The following DPYSL4 variants were observed in gnomAD, a reference collection of about 807,000 sequenced individuals.
The protein encoded by DPYSL4 is dihydropyrimidinase like 4, also known as dihydropyrimidinase-related protein 4.
In DPYSL4, 43 loss-of-function variants were observed where a neutral mutation model predicts 63.4. That is an observed-to-expected ratio of 0.68 (90% CI 0.53 to 0.88). The LOEUF (loss-of-function observed/expected upper bound fraction) is 0.88, where lower values mean the gene tolerates loss of function less well. DPYSL4 is among the 40% of genes least tolerant of loss of function. The pLI, the probability that DPYSL4 is intolerant of heterozygous loss-of-function variation, is 0.00. For synonymous variants in DPYSL4, 353 were observed against 331.7 expected (o/e 1.06, Z -0.70); for missense variants, 733 against 819.5 (o/e 0.89, Z 1.29).
chr10:132,189,805 G>A (rs1016197206), intron 1 of DPYSL4, among the ~76,000 whole-genome samples: 2 of 152,216 alleles, frequency 1.3e-5, no homozygotes, highest in Non-Finnish European at 2.9e-5. Flanking sequence ...AGCCAAAGGT[G>A]ATCTCTTTAA....
rs1250324976 is a variant in DPYSL4, at chr10:132,204,871, A to G, written c.1660A>G (p.Thr554Ala). 1.2e-6 allele frequency: 2 copies of G among 1,612,612 alleles called. No homozygotes were observed. The highest frequency in any genetic ancestry group is 1.7e-5 in the Admixed American group (1 of 59,930). The change falls in exon 14 of 14, where the codon ACA (threonine) becomes GCA (alanine). Residue 554 changes from threonine to alanine, a missense_variant. Thr to Ala is a moderately conservative substitution (Grantham distance 58). Transcript: ENST00000338492. ...GGCTGATGACCACATCGCCCGACGC[A>G]CAGCACAGAAGATCATGGCACCACC... Reference protein sequence around the residue: ...SQADDHIARRTAQKIMAPPGG... With the variant: ...SQADDHIARRAAQKIMAPPGG...
chr10:132,202,121 G>A lies in DPYSL4; in HGVS notation c.1281+5G>A, dbSNP rs745367235. The A allele has an allele frequency of 1.9e-6, 3 of 1,609,722 alleles. No individual in the cohort carries two copies. In the Admixed American group the frequency reaches 5.0e-5, roughly 27 times the overall value. ...TCTGCCAAGACCCACAATCTGGTAA[G>A]AGAAGGCGGCTGTAAGTCAGGGTTG... On this transcript the variant is annotated splice_donor_5th_base_variant and intron_variant, in intron 11 of 13. Transcript: ENST00000338492.
At chr10:132,196,984 G>A (rs375962695) in intron 5 of DPYSL4, 37 bp from the exon 6 acceptor site, 148 of 1,612,868 alleles carry the variant, frequency 9.2e-5, no homozygotes, top group South Asian at 6.9e-4. Flanking sequence ...TGGTGCAGGC[G>A]CAGCCCCACC....
At chr10:132,198,385 T>C (rs747129475) in intron 6 of DPYSL4, 30 bp from the exon 7 acceptor site, 2 of 1,591,784 alleles carry the variant, frequency 1.3e-6, no homozygotes, top group East Asian at 2.3e-5. Flanking sequence ...CTTCAGGGCT[T>C]GGAGCGAGGC....
intron 1 of DPYSL4, among the ~76,000 whole-genome samples, chr10:132,188,262 A>G (rs2061830730): frequency 6.6e-6 from 1 of 152,186 alleles, no homozygotes; most frequent in Admixed American, 6.5e-5. Flanking sequence ...TGCAGTAAGA[A>G]GAGCACAGCC....
At chr10:132,198,998 CCG>C in intron 8 of DPYSL4, 27 bp downstream of exon 8, 1 of 1,593,952 alleles carries the variant, frequency 6.3e-7, no homozygotes, top group South Asian at 1.1e-5. Flanking sequence ...GCCTCTGATG[CCG>C]AGGGGCCATG....
chr10:132,194,636 C>G (rs2814159), intron 3 of DPYSL4, among the ~76,000 whole-genome samples: 125,115 of 152,152 alleles, frequency 0.82, 51,600 homozygotes, highest in East Asian at 0.96. Context: ...GTGGCTGGGG[C>G]ACTTGGGACA....
chr10:132,202,432 G>A (rs566292866), intron 11 of DPYSL4, among the ~76,000 whole-genome samples: 94 of 152,246 alleles, frequency 6.2e-4, no homozygotes, highest in Non-Finnish European at 1.2e-3. Context: ...CTTTGTCCTC[G>A]AGAGAAACGG....
At chr10:132,203,672 C>T (rs1361147115) in intron 12 of DPYSL4, 90 bp from the exon 13 acceptor site, 9 of 1,272,852 alleles carry the variant, frequency 7.1e-6, no homozygotes, top group South Asian at 2.8e-5. Flanking sequence ...TCCAGCTGCC[C>T]ATGCTCAGCC....
Position 132,205,123 on chromosome 10 carries a change from G to C in DPYSL4, c.*193G>C. 4.5e-6 allele frequency: 2 copies of C among 448,256 alleles called. No individual in the cohort carries two copies. The highest frequency in any genetic ancestry group is 9.5e-5 in the South Asian group (2 of 21,052). The allele number at this position is 448,256 out of a possible 1,614,324, so 27.8% of individuals were successfully genotyped here. A position where few individuals can be genotyped will look rare whatever the true frequency, so the allele number is the denominator to read the frequency against. ...TGCTGCCAAGAGCCCCTCAAGAGAA[G>C]GGCTGAACCTGGGGAGATGTCACTG... On this transcript the variant is annotated 3_prime_UTR_variant, in exon 14 of 14. Coordinates refer to ENST00000338492, the MANE Select transcript of DPYSL4 (RefSeq NM_006426.3).
intron 4 of DPYSL4, 69 bp from the exon 5 acceptor site, chr10:132,196,792 G>A (rs1189198428): frequency 3.8e-6 from 6 of 1,571,466 alleles, no homozygotes; most frequent in African/African-American, 1.3e-5. Flanking sequence ...CAGTGGGCAG[G>A]AGCAGCAGAG....
chr10:132,195,922 C>G (rs1290385952), intron 4 of DPYSL4, among the ~76,000 whole-genome samples: 1 of 152,210 alleles, frequency 6.6e-6, no homozygotes, highest in Non-Finnish European at 1.5e-5. Context: ...GCCTCTGCTC[C>G]CCAAGAGCCA....
At position 132,200,812 on chromosome 10, in the gene DPYSL4, C is replaced by G. The variant is rs370005851; in HGVS notation, c.969-30C>G. ...CTGGCCTCTGCCGGCTCAGGAAGGC[C>G]AGGACCCTCTGACCCTGGCTTGTTT... is the stretch of plus-strand genomic sequence containing the variant. On this transcript the variant is annotated intron_variant, in intron 9 of 13. Transcript: ENST00000338492. 3.4e-5 allele frequency: 55 copies of G among 1,606,656 alleles called. 1 individual carries two copies. The Middle Eastern group carries it at 9.3e-4, about 27-fold the overall frequency.
At chr10:132,189,385 CAGTGACA>C (rs2061844685) in intron 1 of DPYSL4, among the ~76,000 whole-genome samples, 2 of 152,266 alleles carry the variant, frequency 1.3e-5, no homozygotes, top group Admixed American at 6.5e-5. Context: ...AGAGTCCCAT[CAGTGACA>C]CCCTACTTTC....
At chr10:132,198,383 C>T (rs61865799) in intron 6 of DPYSL4, 32 bp from the exon 7 acceptor site, 2 of 1,589,152 alleles carry the variant, frequency 1.3e-6, no homozygotes, top group Non-Finnish European at 1.7e-6. Context: ...CCCTTCAGGG[C>T]TTGGAGCGAG....
Position 132,198,449 on chromosome 10 carries a change from GC to G in DPYSL4, c.660del (p.Glu221ArgfsTer35). The G allele has an allele frequency of 1.2e-6, 2 of 1,606,914 alleles. No individual in the cohort carries two copies. The highest frequency in any genetic ancestry group is 1.7e-6 in the Non-Finnish European group (2 of 1,178,406). ...QKRLLELGIT[G>X]PEGHVLSHPE... ...CGGTTGCTGGAGCTCGGCATCACTG[GC>G]CCCGAGGGCCACGTGCTCAGCCACC... On this transcript the variant is annotated frameshift_variant, in exon 7 of 14. Transcript: ENST00000338492. LOFTEE classifies it high-confidence loss of function.
intron 12 of DPYSL4, among the ~76,000 whole-genome samples, 174 bp downstream of exon 12, chr10:132,202,999 G>C (rs536237257): frequency 6.6e-6 from 1 of 152,330 alleles, no homozygotes; most frequent in Middle Eastern, 3.4e-3. Flanking sequence ...GCCTGCTCCC[G>C]GAAGATGGCA....
rs766780274 is a variant in DPYSL4 at position 132,190,788 on chromosome 10, C to T, written c.81C>T (p.Asp27=). Residue 27 remains aspartate, a synonymous_variant, in exon 2 of 14, where the codon GAC becomes GAT. Coordinates refer to ENST00000338492, the MANE Select transcript of DPYSL4 (RefSeq NM_006426.3). ...TCAGAGGTGGGAGGATCGTGAATGA[C>T]GACCAGTCCTTTTACGCTGATGTGC... is the stretch of plus-strand genomic sequence containing the variant. ...LLIRGGRIVN[D]DQSFYADVHV... The T allele has an allele frequency of 2.9e-5, 47 of 1,613,690 alleles. No homozygotes were observed. The highest frequency in any genetic ancestry group is 3.7e-5 in the Non-Finnish European group (44 of 1,179,860).
Position 132,194,936 on chromosome 10 carries a change from C to T in DPYSL4, c.405C>T (p.Tyr135=), listed in dbSNP as rs1279502602. The T allele has an allele frequency of 3.1e-6, 5 of 1,612,086 alleles. No individual in the cohort carries two copies. Among genetic ancestry groups the T allele is most frequent in the East Asian group, 2.2e-5 (1 of 44,864 alleles). ...ERADSAACCD[Y]SLHVDITRWH... is the part of the protein sequence containing the mutation. ...CGGACAGCGCGGCCTGCTGCGACTA[C>T]TCCCTGCACGTGGACATCACCCGAT... The change falls in exon 4 of 14, where the codon TAC becomes TAT. Residue 135 remains tyrosine, a synonymous_variant. Transcript: ENST00000338492.
Sources: allele counts gnomAD v4.1 joint callset (sites outside exome capture counted in the v4.1 genomes callset), GRCh38; gene constraint gnomAD v4.1.1; transcripts MANE v1.5; gene names NCBI Gene and HGNC (gene_info 2026-07-23, HGNC 2026-07-21).